Variants in RANBP17 observed in about 807,000 individuals in gnomAD.
RANBP17 encodes the protein RAN binding protein 17.
In RANBP17, 158 loss-of-function variants were observed where a neutral mutation model predicts 141.2. That is an observed-to-expected ratio of 1.12 (90% CI 0.98 to 1.28). The LOEUF (loss-of-function observed/expected upper bound fraction) is 1.28, where lower values mean the gene tolerates loss of function less well. Ranked by LOEUF, RANBP17 falls within the 50% of genes most tolerant of loss-of-function variation. The pLI, the probability that RANBP17 is intolerant of heterozygous loss-of-function variation, is 0.00. For synonymous variants in RANBP17, 430 were observed against 450.0 expected (o/e 0.96, Z 0.56); for missense variants, 1,438 against 1,290.7 (o/e 1.11, Z -1.75).
chr5:171,007,257 G>A (rs941006801), intron 14 of RANBP17, among the ~76,000 whole-genome samples: 4 of 152,148 alleles, frequency 2.6e-5, no homozygotes, highest in East Asian at 1.9e-4. Context: ...AAAGGCACAC[G>A]TACCCTGACT....
chr5:171,271,484 T>G (rs1162206025), intron 25 of RANBP17: 4 of 209,974 alleles, frequency 1.9e-5, no homozygotes, highest in Non-Finnish European at 3.9e-5. Flanking sequence ...TTAGCAAGAC[T>G]ATTACAGTCA....
chr5:170,919,342 A>G, intron 10 of RANBP17, 99 bp from the exon 11 acceptor site: 1 of 878,128 alleles, frequency 1.1e-6, no homozygotes, highest in Non-Finnish European at 1.6e-6. Flanking sequence ...AGTAAGAATA[A>G]AAGTTAATTT....
At chr5:171,240,236 A>G (rs1764781760) in intron 22 of RANBP17, among the ~76,000 whole-genome samples, 1 of 152,190 alleles carries the variant, frequency 6.6e-6, no homozygotes, top group African/African-American at 2.4e-5. Flanking sequence ...TTGATTGTAA[A>G]TGCTAACTGT....
chr5:170,878,353 TTTG>T, intron 2 of RANBP17, 110 bp downstream of exon 2: 1 of 972,680 alleles, frequency 1.0e-6, no homozygotes, highest in Non-Finnish European at 1.4e-6. Flanking sequence ...ACATGGTTTT[TTTG>T]TTTTTGTGAA....
intron 18 of RANBP17, among the ~76,000 whole-genome samples, chr5:171,190,938 C>A (rs1761587367): frequency 6.6e-6 from 1 of 152,156 alleles, no homozygotes; most frequent in African/African-American, 2.4e-5. Context: ...TGTTGTACTA[C>A]TTAGATGAGA....
chr5:171,200,695 A>G (rs1762247794), intron 19 of RANBP17, among the ~76,000 whole-genome samples: 1 of 152,200 alleles, frequency 6.6e-6, no homozygotes. Flanking sequence ...CAAAAAAAAG[A>G]AAACAAAAAC....
chr5:171,234,018 C>T (rs1764371459), intron 22 of RANBP17, among the ~76,000 whole-genome samples: 1 of 151,524 alleles, frequency 6.6e-6, no homozygotes. Flanking sequence ...GTACCTCTCT[C>T]TCAGCTTTGC....
chr5:170,951,191 A>G (rs1014809296), intron 12 of RANBP17, among the ~76,000 whole-genome samples: 1 of 152,094 alleles, frequency 6.6e-6, no homozygotes, highest in African/African-American at 2.4e-5. Flanking sequence ...TATAGTTAAC[A>G]GTGTATTCCA....
At chr5:171,272,262 A>G (rs778414616) in intron 25 of RANBP17, among the ~76,000 whole-genome samples, 35 of 152,326 alleles carry the variant, frequency 2.3e-4, no homozygotes, top group Non-Finnish European at 4.3e-4. Context: ...TACCTGCGTG[A>G]CAAAGTAATC....
At chr5:171,115,077 G>A (rs1034992464) in intron 14 of RANBP17, among the ~76,000 whole-genome samples, 5 of 151,900 alleles carry the variant, frequency 3.3e-5, no homozygotes, top group Non-Finnish European at 5.9e-5. Context: ...CTCCAACCTC[G>A]GTGACAGAGC....
chr5:171,135,093 A>C (rs890677403), intron 14 of RANBP17, among the ~76,000 whole-genome samples: 4 of 151,618 alleles, frequency 2.6e-5, no homozygotes, highest in African/African-American at 9.7e-5. Context: ...ACATGGTGAA[A>C]TCTGTCTCTA....
At chr5:170,925,752 CAT>C (rs1472792572) in intron 12 of RANBP17, among the ~76,000 whole-genome samples, 1 of 151,222 alleles carries the variant, frequency 6.6e-6, no homozygotes, top group African/African-American at 2.4e-5. Context: ...GAAAATAATA[CAT>C]GATATTGCAT....
At chr5:170,941,703 A>G (rs1026381235) in intron 12 of RANBP17, among the ~76,000 whole-genome samples, 3 of 152,230 alleles carry the variant, frequency 2.0e-5, no homozygotes, top group Non-Finnish European at 4.4e-5. Flanking sequence ...TACCAATAAA[A>G]GAAGTAGACC....
chr5:171,222,786 G>A (rs994144277), intron 22 of RANBP17, among the ~76,000 whole-genome samples: 4 of 152,004 alleles, frequency 2.6e-5, no homozygotes, highest in Admixed American at 6.6e-5. Context: ...ACGCCACCAC[G>A]CCTGGCTAAT....
intron 14 of RANBP17, among the ~76,000 whole-genome samples, chr5:171,038,059 C>T (rs530476735): frequency 6.6e-6 from 1 of 151,986 alleles, no homozygotes; most frequent in East Asian, 1.9e-4. Flanking sequence ...CATGAGCATG[C>T]AATGTTTCTC....
chr5:171,137,371 G>A (rs1757355704), intron 14 of RANBP17, among the ~76,000 whole-genome samples: 1 of 152,094 alleles, frequency 6.6e-6, no homozygotes, highest in Non-Finnish European at 1.5e-5. Flanking sequence ...ACTGCATGGT[G>A]GGGTAAATAG....
chr5:170,868,311 G>T (rs576068985), intron 1 of RANBP17, among the ~76,000 whole-genome samples: 1 of 152,070 alleles, frequency 6.6e-6, no homozygotes, highest in East Asian at 1.9e-4. Context: ...TGCAGTGGTG[G>T]GATCTTGGCT....
At chr5:171,100,293 A>G (rs962463129) in intron 14 of RANBP17, among the ~76,000 whole-genome samples, 9 of 152,254 alleles carry the variant, frequency 5.9e-5, no homozygotes, top group East Asian at 3.9e-4. Context: ...TTACTGGTCT[A>G]TTCAGGGATT....
intron 14 of RANBP17, among the ~76,000 whole-genome samples, chr5:171,017,486 G>A (rs777827008): frequency 6.6e-6 from 1 of 152,140 alleles, no homozygotes; most frequent in African/African-American, 2.4e-5. Flanking sequence ...GATTTGATGT[G>A]CATTTCTCTG....
Sources: allele counts gnomAD v4.1 joint callset (sites outside exome capture counted in the v4.1 genomes callset), GRCh38; gene constraint gnomAD v4.1.1; transcripts MANE v1.5; gene names NCBI Gene and HGNC (gene_info 2026-07-23, HGNC 2026-07-21).